Variants in MACROD2 observed in about 807,000 individuals in gnomAD.
MACROD2 encodes mono-ADP ribosylhydrolase 2.
MACROD2 carries 36 observed loss-of-function variants against 70.4 expected under a neutral mutation model. The observed-to-expected ratio is 0.51, with a 90% CI of 0.39 to 0.68. The LOEUF (loss-of-function observed/expected upper bound fraction) is 0.68. MACROD2 is among the 30% of genes least tolerant of loss of function. The pLI is 0.00. For synonymous variants in MACROD2, 172 were observed against 178.8 expected (o/e 0.96, Z 0.30); for missense variants, 496 against 538.4 (o/e 0.92, Z 0.78).
Position 13,996,045 on chromosome 20 carries a change from C to T in MACROD2, c.46+236C>T, listed in dbSNP as rs561506477. On this transcript the variant is annotated intron_variant, in intron 1 of 17. Transcript: ENST00000684519. Reference sequence around the variant, plus strand: ...CGCACGTGTGGGCGCACGCCCCTCTCTGTTGCCCTCGGCACCCCGTCACCT... The same window carrying T: ...CGCACGTGTGGGCGCACGCCCCTCTTTGTTGCCCTCGGCACCCCGTCACCT... Among the ~76,000 whole-genome samples, 4 of 152,298 alleles carry T rather than the reference C, an allele frequency of 2.6e-5. No homozygotes were observed. In the South Asian group the frequency reaches 8.3e-4, roughly 32 times the overall value.
Position 15,304,882 on chromosome 20 carries a change from TG to T in MACROD2, c.540+74823del, listed in dbSNP as rs563484808. 1.2e-3 allele frequency among the ~76,000 whole-genome samples: 190 copies of T among 152,372 alleles called. 1 individual carries two copies. The highest frequency in any genetic ancestry group is 2.2e-3 in the Non-Finnish European group (150 of 68,036). ...TTGGTCTGTGTGCCCTCATGGCAAC[TG>T]GCCATACGGGAGGCACCCCTCTCCA... On this transcript the variant is annotated intron_variant, in intron 6 of 17. Coordinates refer to ENST00000684519, the MANE Select transcript of MACROD2 (RefSeq NM_001351661.2).
intron 8 of MACROD2, among the ~76,000 whole-genome samples, chr20:15,512,880 T>G (rs2047518158): frequency 6.6e-6 from 1 of 152,150 alleles, no homozygotes; most frequent in African/African-American, 2.4e-5. Context: ...TGAAAACAAT[T>G]AGAGGCTGAT....
intron 5 of MACROD2, among the ~76,000 whole-genome samples, chr20:14,749,383 G>A (rs956420236): frequency 6.7e-6 from 1 of 150,212 alleles, no homozygotes; most frequent in African/African-American, 2.5e-5. Context: ...ATACTAAAAA[G>A]AAAGGGAAAA....
intron 7 of MACROD2, among the ~76,000 whole-genome samples, chr20:15,453,029 C>T (rs146449566): frequency 7.9e-5 from 12 of 152,226 alleles, no homozygotes; most frequent in Non-Finnish European, 1.6e-4. Flanking sequence ...TTTCCCAGAA[C>T]TAAACTGAGT....
chr20:14,036,555 C>T (rs1379599117), intron 2 of MACROD2, among the ~76,000 whole-genome samples: 1 of 152,188 alleles, frequency 6.6e-6, no homozygotes, highest in Admixed American at 6.5e-5. Flanking sequence ...TCACTGTAAT[C>T]TTCATGCCTT....
intron 3 of MACROD2, among the ~76,000 whole-genome samples, chr20:14,317,988 A>C (rs989401268): frequency 3.3e-5 from 5 of 152,232 alleles, no homozygotes; most frequent in Non-Finnish European, 7.3e-5. Context: ...TAATATTTAT[A>C]GAACATATTT....
intron 3 of MACROD2, among the ~76,000 whole-genome samples, chr20:14,223,592 C>A (rs2081702647): frequency 6.7e-6 from 1 of 149,554 alleles, no homozygotes; most frequent in Admixed American, 6.7e-5. Flanking sequence ...ACTGCAACCT[C>A]TGCCTCCCGG....
chr20:14,759,562 G>A (rs6110423), intron 5 of MACROD2, among the ~76,000 whole-genome samples: 1 of 151,976 alleles, frequency 6.6e-6, no homozygotes, highest in African/African-American at 2.4e-5. Context: ...ATGACAGCTA[G>A]GTTAGCCCAT....
At chr20:14,005,696 G>C (rs1218323780) in intron 2 of MACROD2, among the ~76,000 whole-genome samples, 1 of 151,874 alleles carries the variant, frequency 6.6e-6, no homozygotes, top group Non-Finnish European at 1.5e-5. Context: ...TCCACCTCCT[G>C]GCTTCAAGCA....
intron 5 of MACROD2, among the ~76,000 whole-genome samples, chr20:14,936,853 T>C (rs1408734858): frequency 1.3e-5 from 2 of 152,170 alleles, no homozygotes; most frequent in African/African-American, 4.8e-5. Context: ...GAAACCATGC[T>C]CTTCTCCATG....
chr20:14,690,840 C>T (rs1002629231), intron 5 of MACROD2, among the ~76,000 whole-genome samples: 9 of 152,164 alleles, frequency 5.9e-5, no homozygotes, highest in Non-Finnish European at 1.0e-4. Context: ...GGCCACAGAA[C>T]CTGAAGTGTT....
chr20:14,797,377 C>G (rs1233760990), intron 5 of MACROD2, among the ~76,000 whole-genome samples: 3 of 152,040 alleles, frequency 2.0e-5, no homozygotes, highest in East Asian at 1.9e-4. Flanking sequence ...CTTGCATGAT[C>G]TGGCTCCTGC....
intron 8 of MACROD2, among the ~76,000 whole-genome samples, chr20:15,624,518 ATATAT>A (rs1452530427): frequency 3.3e-5 from 5 of 152,212 alleles, no homozygotes; most frequent in African/African-American, 1.2e-4. Context: ...GAACTGTGCT[ATATAT>A]TATATTATGT....
At chr20:14,037,456 A>T (rs1039407559) in intron 2 of MACROD2, among the ~76,000 whole-genome samples, 1 of 152,258 alleles carries the variant, frequency 6.6e-6, no homozygotes, top group Non-Finnish European at 1.5e-5. Context: ...TCATGCAGTT[A>T]TAAACAGATA....
At chr20:14,559,226 A>G (rs1290458042) in intron 4 of MACROD2, among the ~76,000 whole-genome samples, 1 of 151,750 alleles carries the variant, frequency 6.6e-6, no homozygotes, top group Non-Finnish European at 1.5e-5. Flanking sequence ...TGAACCTCAT[A>G]AGTACAAAAA....
intron 8 of MACROD2, among the ~76,000 whole-genome samples, chr20:15,595,678 G>C (rs2048737009): frequency 6.6e-6 from 1 of 152,110 alleles, no homozygotes; most frequent in Non-Finnish European, 1.5e-5. Flanking sequence ...TGTGACTTTA[G>C]TATGAATCTA....
intron 13 of MACROD2, 62 bp from the exon 14 acceptor site, chr20:15,986,665 G>C: frequency 1.5e-6 from 2 of 1,325,466 alleles, no homozygotes; most frequent in Non-Finnish European, 2.1e-6. Flanking sequence ...CTGAAGGTCA[G>C]GAATAAAGCT....
At chr20:14,347,468 T>C (rs897354623) in intron 3 of MACROD2, among the ~76,000 whole-genome samples, 3 of 152,160 alleles carry the variant, frequency 2.0e-5, no homozygotes, top group Admixed American at 1.3e-4. Context: ...AAAAGAGTAG[T>C]GGACAGCTAA....
chr20:14,414,456 C>T (rs899825553), intron 3 of MACROD2, among the ~76,000 whole-genome samples: 2 of 152,222 alleles, frequency 1.3e-5, no homozygotes, highest in African/African-American at 2.4e-5. Flanking sequence ...AAGGCACCAT[C>T]ATTTCTTGCC....
Sources: gnomAD v4.1 joint callset for allele counts (sites outside exome capture counted in the v4.1 genomes callset) on GRCh38, gnomAD v4.1.1 for gene constraint, MANE v1.5 for transcripts, NCBI Gene and HGNC (gene_info 2026-07-23, HGNC 2026-07-21) for gene names.